TK2: variants seen among roughly 807,000 people sequenced by gnomAD.
TK2 encodes thymidine kinase 2, mitochondrial.
Under a neutral mutation model 41.9 loss-of-function variants are expected in TK2, and 35 were observed. The ratio of observed to expected loss-of-function variants is 0.84; its 90% CI spans 0.64 to 1.11. The LOEUF (loss-of-function observed/expected upper bound fraction) is 1.11. Ranked by LOEUF, TK2 falls within the 50% of genes least tolerant of loss-of-function variation. The probability of loss-of-function intolerance (pLI) is 0.00; values close to 1 mark genes in which losing one functional copy is unlikely to be tolerated. For synonymous variants in TK2, 128 were observed against 129.1 expected, an observed-to-expected ratio of 0.99 and a Z score of 0.06; for missense variants, 320 against 351.1, an observed-to-expected ratio of 0.91 and a Z score of 0.71.
At chr16:66,525,143 C>T (rs187763737) in intron 6 of TK2, among the ~76,000 whole-genome samples, 64 of 152,264 alleles carry the variant, frequency 4.2e-4, no homozygotes, top group Non-Finnish European at 7.9e-4. Context: ...AGAGCAGATG[C>T]CCCCGTTTCC....
rs1229904076 is a variant in TK2 at position 66,531,428 on chromosome 16, T to C, written c.327A>G (p.Leu109=). The C allele has an allele frequency of 6.8e-6, 11 of 1,614,160 alleles. No homozygotes were observed. Among genetic ancestry groups the C allele is most frequent in the East Asian group, 4.5e-5 (2 of 44,870 alleles). ...GCATGGTGAGCTGCACATAAGTCTGTAGCGTAAGACCCCAGCGAGAGGCAT... is the reference window on the plus strand; with the variant it reads ...GCATGGTGAGCTGCACATAAGTCTGCAGCGTAAGACCCCAGCGAGAGGCAT... The part of the protein sequence containing the change: ...YHDASRWGLT[L]QTYVQLTMLD... Residue 109 remains leucine, a synonymous_variant, in exon 5 of 10, where the codon CTA becomes CTG. Coordinates refer to ENST00000544898, the MANE Select transcript of TK2 (RefSeq NM_004614.5).
At chr16:66,549,388 G>C (rs1965711490) in intron 1 of TK2, 2 of 1,122,826 alleles carry the variant, frequency 1.8e-6, no homozygotes, top group East Asian at 1.3e-4. Flanking sequence ...TGGGACCCAG[G>C]TGTTCCTCTA....
intron 3 of TK2, among the ~76,000 whole-genome samples, chr16:66,541,545 C>T (rs2144458548): frequency 6.6e-6 from 1 of 152,206 alleles, no homozygotes; most frequent in South Asian, 2.1e-4. Flanking sequence ...CCCACCTCAG[C>T]CTCCCAAGTA....
rs1363087720 is a variant in TK2 at position 66,509,245 on chromosome 16, C to A, written c.*2723G>T. 6.6e-6 allele frequency: 1 copy of A among 152,220 alleles called. No homozygotes were observed. The highest frequency in any genetic ancestry group is 2.4e-5 in the African/African-American group (1 of 41,438). The allele number at this position is 152,220 out of a possible 1,614,324, so 9.4% of individuals were successfully genotyped here. ...TGCCCAGAGCAGGAGCTCCAGCTGC[C>A]ATCCTGGACAGTCAGGCCCCAGAGG... On this transcript the variant is annotated 3_prime_UTR_variant, in exon 10 of 10. Coordinates refer to ENST00000544898, the MANE Select transcript of TK2 (RefSeq NM_004614.5).
At chr16:66,515,371 C>T (rs955310733) in intron 8 of TK2, among the ~76,000 whole-genome samples, 1 of 152,172 alleles carries the variant, frequency 6.6e-6, no homozygotes, top group South Asian at 2.1e-4. Flanking sequence ...TATAGACCCT[C>T]CAGACTATAA....
chr16:66,543,489 C>CA (rs1172305961), intron 2 of TK2, among the ~76,000 whole-genome samples: 1 of 152,168 alleles, frequency 6.6e-6, no homozygotes, highest in Non-Finnish European at 1.5e-5. Flanking sequence ...ATACATAAGA[C>CA]AAACTGTCCC....
At chr16:66,533,900 C>T (rs898194035) in intron 4 of TK2, among the ~76,000 whole-genome samples, 3 of 145,954 alleles carry the variant, frequency 2.1e-5, no homozygotes, top group Non-Finnish European at 3.0e-5. Context: ...CCCAGCTACT[C>T]GGGAGGCTGA....
At chr16:66,541,754 T>G (rs1394454290) in intron 3 of TK2, 125 bp downstream of exon 3, 2 of 963,004 alleles carry the variant, frequency 2.1e-6, no homozygotes, top group Middle Eastern at 2.2e-4. Context: ...AAATGTTAAA[T>G]TACACCTGTG....
intron 2 of TK2, among the ~76,000 whole-genome samples, chr16:66,545,729 C>A (rs1294893652): frequency 6.6e-6 from 1 of 151,280 alleles, no homozygotes; most frequent in East Asian, 2.0e-4. Context: ...GAGGCTGAGG[C>A]AGGAAAATGG....
intron 1 of TK2, 53 bp downstream of exon 1, chr16:66,549,885 G>T (rs1445398953): frequency 1.5e-6 from 2 of 1,308,894 alleles, no homozygotes; most frequent in East Asian, 6.1e-5. Context: ...GAGGGGCCGG[G>T]AGTAGGTGGG....
At chr16:66,549,751 C>G (rs1336428802) in intron 1 of TK2, 187 bp downstream of exon 1, 1 of 1,278,806 alleles carries the variant, frequency 7.8e-7, no homozygotes, top group Non-Finnish European at 9.8e-7. Context: ...CCGAGCGCCC[C>G]CAGCGCTCGC....
Position 66,517,977 on chromosome 16 carries a change from C to G in TK2, c.450-100G>C. 2.1e-6 allele frequency: 2 copies of G among 956,454 alleles called. No individual in the cohort carries two copies. Among genetic ancestry groups the G allele is most frequent in the South Asian group, 2.6e-5 (2 of 77,314 alleles). 59.2% of individuals were successfully genotyped at this position (956,454 alleles called of 1,614,324 possible). A position where few individuals can be genotyped will look rare whatever the true frequency, so the allele number is the denominator to read the frequency against. On this transcript the variant is annotated intron_variant, in intron 6 of 9. Transcript: ENST00000544898. The surrounding 1 kb of genome is among the most constrained non-coding windows in gnomAD (Gnocchi z 4.3). Reference sequence around the variant, plus strand: ...TGAGACGGCTCTCAATGAAAGGAGTCACCAAGGGTACCAGGGCACAGTGTG... The same window carrying G: ...TGAGACGGCTCTCAATGAAAGGAGTGACCAAGGGTACCAGGGCACAGTGTG...
Position 66,509,555 on chromosome 16 carries a change from G to A in TK2, c.*2413C>T, listed in dbSNP as rs914809862. 1 of 152,244 alleles carries A rather than the reference G, an allele frequency of 6.6e-6. No homozygotes were observed. The highest frequency in any genetic ancestry group is 1.5e-5 in the Non-Finnish European group (1 of 68,048). The allele number at this position is 152,244 out of a possible 1,614,324, so 9.4% of individuals were successfully genotyped here. A position where few individuals can be genotyped will look rare whatever the true frequency, so the allele number is the denominator to read the frequency against. ...GTATATGTGCAACAAAAAAGTCAGCGAGAGGTAGAGCAGCTGAGCAGCTCT... is the reference window on the plus strand; with the variant it reads ...GTATATGTGCAACAAAAAAGTCAGCAAGAGGTAGAGCAGCTGAGCAGCTCT... On this transcript the variant is annotated 3_prime_UTR_variant, in exon 10 of 10. Transcript: ENST00000544898.
chr16:66,549,626 C>G (rs888319876), intron 1 of TK2: 1 of 1,169,772 alleles, frequency 8.5e-7, no homozygotes, highest in Non-Finnish European at 1.1e-6. Flanking sequence ...CCCATCGCCC[C>G]CAAGGTCGAA....
intron 5 of TK2, 90 bp from the exon 6 acceptor site, chr16:66,529,157 G>A: frequency 3.2e-6 from 4 of 1,242,796 alleles, no homozygotes; most frequent in Non-Finnish European, 3.5e-6. Flanking sequence ...CCCCTGCCTG[G>A]GGACTTTGCT....
intron 6 of TK2, among the ~76,000 whole-genome samples, chr16:66,521,453 A>AG (rs1964777986): frequency 6.6e-6 from 1 of 152,216 alleles, no homozygotes; most frequent in Admixed American, 6.5e-5. Flanking sequence ...TGCTCTTGGA[A>AG]GGGGTCCTTG....
At chr16:66,540,138 A>G (rs982354899) in intron 3 of TK2, among the ~76,000 whole-genome samples, 3 of 151,336 alleles carry the variant, frequency 2.0e-5, no homozygotes, top group African/African-American at 7.3e-5. Flanking sequence ...TATTTTTATC[A>G]AACTATATAT....
intron 6 of TK2, among the ~76,000 whole-genome samples, chr16:66,526,986 T>C (rs1411166186): frequency 6.6e-6 from 1 of 152,126 alleles, no homozygotes; most frequent in Non-Finnish European, 1.5e-5. Flanking sequence ...CGGGTTACAG[T>C]TCTAATCAGA....
intron 6 of TK2, among the ~76,000 whole-genome samples, chr16:66,527,925 G>A (rs1031064428): frequency 3.9e-5 from 6 of 152,056 alleles, no homozygotes; most frequent in African/African-American, 7.2e-5. Flanking sequence ...CCAGCTACTC[G>A]GGAGGCTGAG....
Sources: allele counts gnomAD v4.1 joint callset (sites outside exome capture counted in the v4.1 genomes callset), GRCh38; gene constraint gnomAD v4.1.1; non-coding constraint Gnocchi (gnomAD v3.1); transcripts MANE v1.5; gene names NCBI Gene and HGNC (gene_info 2026-07-23, HGNC 2026-07-21).